The following CFAP299 variants were observed in gnomAD, a reference collection of about 807,000 sequenced individuals.
CFAP299 encodes the protein cilia and flagella associated protein 299.
In CFAP299, 21 loss-of-function variants were observed where a neutral mutation model predicts 27.0. The ratio of observed to expected loss-of-function variants is 0.78; its 90% CI spans 0.55 to 1.12. The LOEUF (loss-of-function observed/expected upper bound fraction) is 1.12. Ranked by LOEUF, CFAP299 falls within the 50% of genes most tolerant of loss-of-function variation. CFAP299 has a pLI of 0.00. For missense variants in CFAP299, 310 were observed against 276.6 expected (o/e 1.12, Z -0.86); for synonymous variants, 104 against 98.1 (o/e 1.06, Z -0.36).
chr4:80,366,152 T>G (rs1423923132), intron 2 of CFAP299, among the ~76,000 whole-genome samples: 1 of 152,186 alleles, frequency 6.6e-6, no homozygotes, highest in East Asian at 1.9e-4. Context: ...GTGCCTATAT[T>G]TGTTGGAGGA....
At chr4:80,352,835 T>C (rs528013089) in intron 1 of CFAP299, among the ~76,000 whole-genome samples, 1 of 151,110 alleles carries the variant, frequency 6.6e-6, no homozygotes, top group East Asian at 1.9e-4. Context: ...AAAAAGAAAT[T>C]AAAAGAAAAA....
At chr4:80,378,813 A>G (rs1457465905) in intron 2 of CFAP299, among the ~76,000 whole-genome samples, 2 of 152,052 alleles carry the variant, frequency 1.3e-5, no homozygotes, top group East Asian at 3.8e-4. Context: ...GTATGCTAAT[A>G]TTTTGTTGAG....
intron 2 of CFAP299, among the ~76,000 whole-genome samples, chr4:80,513,058 A>C (rs1732397048): frequency 6.6e-6 from 1 of 152,166 alleles, no homozygotes; most frequent in East Asian, 1.9e-4. Context: ...TTTATGGAAG[A>C]ATTATATATG....
chr4:80,382,675 C>A lies in CFAP299; in HGVS notation c.242+19791C>A, dbSNP rs1045662912. On this transcript the variant is annotated intron_variant, in intron 2 of 5. Coordinates refer to ENST00000358105, the MANE Select transcript of CFAP299 (RefSeq NM_152770.3). ...GTCAGAATGGCTATTACTAAAAAGT[C>A]AAAAAATAACAGGGTGTGGAGAAAA... Among the ~76,000 whole-genome samples the A allele has an allele frequency of 2.6e-5, 4 of 152,108 alleles. No individual in the cohort carries two copies. In the East Asian group the frequency reaches 7.7e-4, roughly 29 times the overall value.
intron 3 of CFAP299, among the ~76,000 whole-genome samples, chr4:80,739,209 A>G (rs577222645): frequency 1.3e-5 from 2 of 152,266 alleles, no homozygotes; most frequent in African/African-American, 4.8e-5. Context: ...CCACAGTTAC[A>G]GTGTTATACT....
intron 3 of CFAP299, among the ~76,000 whole-genome samples, chr4:80,736,967 G>A (rs1229812105): frequency 6.6e-6 from 1 of 152,102 alleles, no homozygotes; most frequent in Non-Finnish European, 1.5e-5. Context: ...TATACACCAT[G>A]GAATACTACG....
intron 3 of CFAP299, among the ~76,000 whole-genome samples, chr4:80,770,871 A>T (rs1013501628): frequency 3.9e-5 from 6 of 152,158 alleles, no homozygotes; most frequent in African/African-American, 9.7e-5. Context: ...TCCTTGCCAG[A>T]TGGCTCCCTC....
intron 3 of CFAP299, among the ~76,000 whole-genome samples, chr4:80,669,104 TTTTTC>T (rs70944802): frequency 0.84 from 78,769 of 93,232 alleles, 34,770 homozygotes; most frequent in East Asian, 0.98. Flanking sequence ...CTTAATTTCT[TTTTTC>T]TTTTCTTTTC....
At chr4:80,933,814 T>C (rs1428616574) in intron 4 of CFAP299, among the ~76,000 whole-genome samples, 1 of 152,118 alleles carries the variant, frequency 6.6e-6, no homozygotes, top group Non-Finnish European at 1.5e-5. Context: ...TTATTAATTA[T>C]AACAATATTT....
At chr4:80,853,222 G>C (rs1481333098) in intron 3 of CFAP299, among the ~76,000 whole-genome samples, 2 of 151,930 alleles carry the variant, frequency 1.3e-5, no homozygotes, top group Non-Finnish European at 2.9e-5. Flanking sequence ...GTAGAGACGG[G>C]GTTTTCTCAT....
intron 2 of CFAP299, among the ~76,000 whole-genome samples, chr4:80,436,504 G>A (rs746635159): frequency 3.9e-5 from 6 of 151,994 alleles, no homozygotes; most frequent in East Asian, 1.9e-4. Context: ...GGGTTTCACC[G>A]TGTTAGCCAG....
At chr4:80,845,914 G>A (rs934688526) in intron 3 of CFAP299, among the ~76,000 whole-genome samples, 5 of 152,036 alleles carry the variant, frequency 3.3e-5, no homozygotes, top group African/African-American at 1.2e-4. Context: ...TATCAAGCAT[G>A]CAAATGACTC....
At chr4:80,870,779 A>G in intron 4 of CFAP299, 2 of 985,368 alleles carry the variant, frequency 2.0e-6, no homozygotes, top group Non-Finnish European at 2.4e-6. Context: ...ATTATGCTTT[A>G]ACTCTCCACT....
At chr4:80,924,237 C>T (rs1560478697) in intron 4 of CFAP299, among the ~76,000 whole-genome samples, 1 of 151,918 alleles carries the variant, frequency 6.6e-6, no homozygotes. Context: ...CCAGAGAAGT[C>T]CCCTTTACTG....
At chr4:80,717,742 C>T (rs1722570084) in intron 3 of CFAP299, among the ~76,000 whole-genome samples, 1 of 152,110 alleles carries the variant, frequency 6.6e-6, no homozygotes, top group Non-Finnish European at 1.5e-5. Context: ...ACTAGGTTGA[C>T]ATTTTTATCA....
At chr4:80,843,958 G>T (rs957683063) in intron 3 of CFAP299, among the ~76,000 whole-genome samples, 9 of 151,976 alleles carry the variant, frequency 5.9e-5, no homozygotes, top group Non-Finnish European at 1.2e-4. Flanking sequence ...CTGTGTCCAT[G>T]TGTTCTCATT....
In CFAP299 at chr4:80,927,402, A is replaced by G. The variant is rs149832769; in HGVS notation, c.477-17408A>G. On this transcript the variant is annotated intron_variant, in intron 4 of 5. Coordinates refer to ENST00000358105, the MANE Select transcript of CFAP299 (RefSeq NM_152770.3). ...CTTCAACATGCTCCCTTAAGGTAAC[A>G]CCAAGACCCCTCCAAGGTCTAATAT... Among the ~76,000 whole-genome samples, 1,141 of 152,180 alleles carry G rather than the reference A, an allele frequency of 7.5e-3. 10 individuals carry two copies. The highest frequency in any genetic ancestry group is 0.018 in the Admixed American group (272 of 15,250).
intron 3 of CFAP299, among the ~76,000 whole-genome samples, chr4:80,629,267 C>T (rs978659371): frequency 6.6e-6 from 1 of 152,028 alleles, no homozygotes; most frequent in Non-Finnish European, 1.5e-5. Context: ...AAGTTAAACT[C>T]ACAGAAGTAG....
intron 2 of CFAP299, among the ~76,000 whole-genome samples, chr4:80,581,928 A>G (rs2109870531): frequency 6.6e-6 from 1 of 152,048 alleles, no homozygotes; most frequent in Non-Finnish European, 1.5e-5. Flanking sequence ...GGTTGTAAGA[A>G]TGAGTTCTAA....
Sources: allele counts gnomAD v4.1 joint callset (sites outside exome capture counted in the v4.1 genomes callset), GRCh38; gene constraint gnomAD v4.1.1; transcripts MANE v1.5; gene names NCBI Gene and HGNC (gene_info 2026-07-23, HGNC 2026-07-21).